TEX264: variants seen among roughly 807,000 people sequenced by gnomAD.
TEX264 encodes testis-expressed protein 264.
A neutral mutation model predicts 23.4 loss-of-function variants in TEX264; 13 were observed. The observed-to-expected ratio is 0.56, with a 90% CI of 0.36 to 0.88. The LOEUF (loss-of-function observed/expected upper bound fraction) is 0.88, where lower values mean the gene tolerates loss of function less well. Ranked by LOEUF, TEX264 falls within the 40% of genes least tolerant of loss-of-function variation. TEX264 has a pLI of 0.01. For synonymous variants in TEX264, 159 were observed against 170.0 expected, an observed-to-expected ratio of 0.94 and a Z score of 0.50; for missense variants, 340 against 406.8, an observed-to-expected ratio of 0.84 and a Z score of 1.41.
At chr3:51,677,299 TA>T (rs939054350) in intron 2 of TEX264, among the ~76,000 whole-genome samples, 2 of 152,172 alleles carry the variant, frequency 1.3e-5, no homozygotes, top group Admixed American at 1.3e-4. Context: ...GTGTGGGTGT[TA>T]GGAGCCTAGA....
In TEX264 at chr3:51,679,888, CT is replaced by C. The variant is rs1259028033; in HGVS notation, c.259-4524del. Among the ~76,000 whole-genome samples, 15 of 152,268 alleles carry C rather than the reference CT, an allele frequency of 9.9e-5. No homozygotes were observed. The East Asian group carries it at 2.9e-3, about 29-fold the overall frequency. On this transcript the variant is annotated intron_variant, in intron 2 of 4. Transcript: ENST00000341333. ...CTAGCTGTCTGCATCATCTCGTGTCCTGACTGGTGCCTGTCTCCGTGTGCCT... is the reference window on the plus strand; with the variant it reads ...CTAGCTGTCTGCATCATCTCGTGTCCGACTGGTGCCTGTCTCCGTGTGCCT...
rs1703377197 is a variant in TEX264, at chr3:51,703,174, C to T, written c.650-550C>T. Among the ~76,000 whole-genome samples, 3 of 152,226 alleles carry T rather than the reference C, an allele frequency of 2.0e-5. No homozygotes were observed. Among genetic ancestry groups the T allele is most frequent in the African/African-American group, 7.2e-5 (3 of 41,458 alleles). ...ACTTGGTGTGTACCAGAGGCAGGGG[C>T]CTGCTGACTCCCTGGATGCTGCTCC... On this transcript the variant is annotated intron_variant, in intron 4 of 4. Coordinates refer to ENST00000341333, the MANE Select transcript of TEX264 (RefSeq NM_015926.6). The surrounding 1 kb of genome is among the most constrained non-coding windows in gnomAD (Gnocchi z 4.8).
At chr3:51,690,051 A>G (rs915603449) in intron 3 of TEX264, among the ~76,000 whole-genome samples, 1 of 152,090 alleles carries the variant, frequency 6.6e-6, no homozygotes, top group African/African-American at 2.4e-5. Flanking sequence ...CAGCCTGTTG[A>G]GCAGTGGCTG....
rs762190539 is a variant in TEX264, at chr3:51,684,640, G to A, written c.480+6G>A. 2.5e-6 allele frequency: 4 copies of A among 1,613,946 alleles called. No individual in the cohort carries two copies. Among genetic ancestry groups the A allele is most frequent in the Admixed American group, 3.3e-5 (2 of 60,012 alleles). On this transcript the variant is annotated splice_donor_region_variant and intron_variant, in intron 3 of 4. Coordinates refer to ENST00000341333, the MANE Select transcript of TEX264 (RefSeq NM_015926.6). Reference sequence around the variant, plus strand: ...CCTTGGACACCTACATCAAGGTGAGGCACAGGCCTGGGGTGTGTGTGTTGG... The same window carrying A: ...CCTTGGACACCTACATCAAGGTGAGACACAGGCCTGGGGTGTGTGTGTTGG...
Position 51,704,255 on chromosome 3 carries a change from T to A in TEX264, c.*239T>A. The A allele has an allele frequency of 2.6e-6, 1 of 379,122 alleles. No individual in the cohort carries two copies. The highest frequency in any genetic ancestry group is 4.7e-6 in the Non-Finnish European group (1 of 213,848). The allele number at this position is 379,122 out of a possible 1,614,324, so 23.5% of individuals were successfully genotyped here. ...CAGGGCTGCCACCCCTGTTGTGTCT[T>A]TTTTTCAGACTCACAGTGGAGCTTC... On this transcript the variant is annotated 3_prime_UTR_variant, in exon 5 of 5. Transcript: ENST00000341333.
intron 3 of TEX264, among the ~76,000 whole-genome samples, chr3:51,697,704 A>AG (rs2107023325): frequency 6.6e-6 from 1 of 152,274 alleles, no homozygotes; most frequent in African/African-American, 2.4e-5. Flanking sequence ...CTGGCATTGG[A>AG]GGGGCCCCAG....
intron 2 of TEX264, chr3:51,682,245 G>C (rs1351443189): frequency 6.6e-6 from 1 of 152,152 alleles, no homozygotes; most frequent in East Asian, 1.9e-4. Context: ...TCATTCTCAA[G>C]TCTTGGCGTG....
At chr3:51,678,031 G>A (rs1424215388) in intron 2 of TEX264, among the ~76,000 whole-genome samples, 1 of 152,182 alleles carries the variant, frequency 6.6e-6, no homozygotes, top group Non-Finnish European at 1.5e-5. Context: ...TGCAAGGGAT[G>A]GGGTATGAGT....
intron 1 of TEX264, among the ~76,000 whole-genome samples, chr3:51,673,267 T>C (rs1215456391): frequency 6.6e-6 from 1 of 152,096 alleles, no homozygotes; most frequent in Non-Finnish European, 1.5e-5. Context: ...CTTTAAACAG[T>C]CTTCTCTGGG....
Position 51,684,419 on chromosome 3 carries a change from C to G in TEX264, c.265C>G (p.Pro89Ala), listed in dbSNP as rs946966866. ...CCATGCTTTGCTTCCCCAGGTGCCC[C>G]CTGATAAGTGCCGATGTGCCGTGGG... ...VYYDNPHMVP[P>A]DKCRCAVGSI... The change falls in exon 3 of 5, where the codon CCT (proline) becomes GCT (alanine). Residue 89 changes from proline (P) to alanine (A), a missense_variant. By Grantham distance (27) the Pro-to-Ala change is conservative. Transcript: ENST00000341333. The G allele has an allele frequency of 2.5e-6, 4 of 1,613,892 alleles. No individual in the cohort carries two copies. In the African/African-American group the frequency reaches 5.3e-5, roughly 22 times the overall value.
At position 51,703,609 on chromosome 3, in the gene TEX264, C is replaced by T. The variant is rs1703402422; in HGVS notation, c.650-115C>T. ...GGGCAGAGGGCAGCTGGAGCAAGCC[C>T]CCTGAGCCCGGGAGGCTGCATTATT... On this transcript the variant is annotated intron_variant, in intron 4 of 4. Coordinates refer to ENST00000341333, the MANE Select transcript of TEX264 (RefSeq NM_015926.6). The surrounding 1 kb of genome is among the most constrained non-coding windows in gnomAD (Gnocchi z 4.8). 1 of 1,121,482 alleles carries T rather than the reference C, an allele frequency of 8.9e-7. No individual in the cohort carries two copies. The highest frequency in any genetic ancestry group is 1.3e-6 in the Non-Finnish European group (1 of 793,338). The allele number at this position is 1,121,482 out of a possible 1,614,324, so 69.5% of individuals were successfully genotyped here.
intron 1 of TEX264, among the ~76,000 whole-genome samples, chr3:51,673,615 C>G (rs373946490): frequency 6.6e-6 from 1 of 152,172 alleles, no homozygotes; most frequent in Non-Finnish European, 1.5e-5. Context: ...CTGCTCAGGC[C>G]GCTTTGCTCT....
intron 3 of TEX264, among the ~76,000 whole-genome samples, chr3:51,696,320 G>A (rs776004681): frequency 6.6e-6 from 1 of 152,172 alleles, no homozygotes; most frequent in Non-Finnish European, 1.5e-5. Flanking sequence ...GTGTGACCTT[G>A]AGCTAGTGTC....
At chr3:51,672,825 A>G (rs1702095601) in intron 1 of TEX264, among the ~76,000 whole-genome samples, 1 of 152,200 alleles carries the variant, frequency 6.6e-6, no homozygotes, top group Admixed American at 6.5e-5. Flanking sequence ...CTGTGTTTCA[A>G]CATTTAGACA....
At chr3:51,676,660 A>T (rs1702240177) in intron 2 of TEX264, among the ~76,000 whole-genome samples, 1 of 152,194 alleles carries the variant, frequency 6.6e-6, no homozygotes, top group African/African-American at 2.4e-5. Context: ...CTGCAGAGTA[A>T]TGATAAAATA....
Position 51,691,885 on chromosome 3 carries a change from G to A in TEX264, c.480+7251G>A, listed in dbSNP as rs1702840326. On this transcript the variant is annotated intron_variant, in intron 3 of 4. Coordinates refer to ENST00000341333, the MANE Select transcript of TEX264 (RefSeq NM_015926.6). The surrounding 1 kb of genome is among the most constrained non-coding windows in gnomAD (Gnocchi z 4.4). ...CCCAGATGTCCCCAAGCCAAGAGGC[G>A]ATCCTCCCACCATACCACGGCTTGG... Among the ~76,000 whole-genome samples, 2 of 152,214 alleles carry A rather than the reference G, an allele frequency of 1.3e-5. No individual in the cohort carries two copies. Among genetic ancestry groups the A allele is most frequent in the African/African-American group, 2.4e-5 (1 of 41,448 alleles).
chr3:51,672,759 C>T (rs1403146178), intron 1 of TEX264, among the ~76,000 whole-genome samples: 3 of 152,258 alleles, frequency 2.0e-5, no homozygotes, highest in East Asian at 1.9e-4. Flanking sequence ...CCTCTAACTA[C>T]TTGAACCTTT....
chr3:51,678,266 G>A (rs1247046484), intron 2 of TEX264, among the ~76,000 whole-genome samples: 1 of 152,200 alleles, frequency 6.6e-6, no homozygotes, highest in African/African-American at 2.4e-5. Context: ...GAAGGAAGGA[G>A]CTGAGAGGAC....
chr3:51,684,520 G>T lies in TEX264; in HGVS notation c.366G>T (p.Val122=), dbSNP rs746842285. The change falls in exon 3 of 5, where the codon GTG becomes GTT. Residue 122 remains valine, a synonymous_variant. Transcript: ENST00000341333. ...TCTACCAGAAATTTGGCTTCAAGGT[G>T]TTCTCCTTCCCGGCACCCAGCCATG... ...IDLYQKFGFK[V]FSFPAPSHVV... The T allele has an allele frequency of 4.3e-6, 7 of 1,614,214 alleles. No homozygotes were observed. In the South Asian group the frequency reaches 7.7e-5, roughly 18 times the overall value.
Sources: allele counts gnomAD v4.1 joint callset (sites outside exome capture counted in the v4.1 genomes callset), GRCh38; gene constraint gnomAD v4.1.1; non-coding constraint Gnocchi (gnomAD v3.1); transcripts MANE v1.5; gene names NCBI Gene and HGNC (gene_info 2026-07-23, HGNC 2026-07-21).